The following FAM20B variants were observed in gnomAD, a reference collection of about 807,000 sequenced individuals.
FAM20B encodes the protein FAM20B glycosaminoglycan xylosylkinase.
A neutral mutation model predicts 43.8 loss-of-function variants in FAM20B; 23 were observed. The ratio of observed to expected loss-of-function variants is 0.53; its 90% CI spans 0.38 to 0.74. The LOEUF (loss-of-function observed/expected upper bound fraction) is 0.74, where lower values mean the gene tolerates loss of function less well. FAM20B is among the 30% of genes least tolerant of loss of function. The pLI, the probability that FAM20B is intolerant of heterozygous loss-of-function variation, is 0.00. For synonymous variants in FAM20B, 178 were observed against 192.4 expected, an observed-to-expected ratio of 0.93 and a Z score of 0.62; for missense variants, 440 against 510.5, an observed-to-expected ratio of 0.86 and a Z score of 1.33.
intron 7 of FAM20B, 79 bp from the exon 8 acceptor site, chr1:179,071,834 T>G: frequency 1.0e-6 from 1 of 972,272 alleles, no homozygotes; most frequent in Non-Finnish European, 1.6e-6. Flanking sequence ...TTTTTTCACT[T>G]TTGTCTGCCT....
At chr1:179,029,500 A>T (rs930380764) in intron 1 of FAM20B, among the ~76,000 whole-genome samples, 2 of 152,242 alleles carry the variant, frequency 1.3e-5, no homozygotes, top group East Asian at 3.8e-4. Flanking sequence ...GGATGTAAAG[A>T]ATCTACATGA....
intron 2 of FAM20B, among the ~76,000 whole-genome samples, chr1:179,047,528 A>G (rs1305210680): frequency 6.6e-6 from 1 of 151,924 alleles, no homozygotes; most frequent in African/African-American, 2.4e-5. Context: ...TCTCCTAAAC[A>G]GCCTGTGTCC....
chr1:179,066,163 A>G (rs1651680450), intron 6 of FAM20B, among the ~76,000 whole-genome samples: 1 of 152,054 alleles, frequency 6.6e-6, no homozygotes, highest in East Asian at 1.9e-4. Flanking sequence ...GGGCTACCAG[A>G]CTCTAGCTAT....
rs926661753 is a variant in FAM20B, at chr1:179,074,682, T to C, written c.*2538T>C. 5 of 152,254 alleles carry C rather than the reference T, an allele frequency of 3.3e-5. No homozygotes were observed. The highest frequency in any genetic ancestry group is 7.3e-5 in the Non-Finnish European group (5 of 68,042). 9.4% of individuals were successfully genotyped at this position (152,254 alleles called of 1,614,324 possible). ...TTAAAAGGCATTCTGATGATAAATT[T>C]AGAATTTTCATCTATAAAATTTAGA... On this transcript the variant is annotated 3_prime_UTR_variant, in exon 8 of 8. Transcript: ENST00000263733.
chr1:179,052,030 G>T (rs2102507885), intron 3 of FAM20B, among the ~76,000 whole-genome samples: 1 of 152,156 alleles, frequency 6.6e-6, no homozygotes, highest in African/African-American at 2.4e-5. Flanking sequence ...AAACATAAAA[G>T]CAATAACTTA....
chr1:179,020,986 G>A (rs139976727), upstream of FAM20B, among the ~76,000 whole-genome samples: 2,133 of 152,294 alleles, frequency 0.014, 63 homozygotes, highest in African/African-American at 0.048. Context: ...CAGGAGAATC[G>A]CTTGAACTCA....
intron 1 of FAM20B, among the ~76,000 whole-genome samples, chr1:179,033,521 GATAA>G (rs1374362063): frequency 6.6e-6 from 1 of 152,060 alleles, no homozygotes; most frequent in Non-Finnish European, 1.5e-5. Context: ...CCCTCCCTGA[GATAA>G]TTGTTTTTAG....
chr1:179,064,584 A>G, intron 6 of FAM20B, 88 bp downstream of exon 6: 1 of 1,034,536 alleles, frequency 9.7e-7, no homozygotes, highest in Non-Finnish European at 1.4e-6. Flanking sequence ...GAATATCCAG[A>G]ATGCAATTGA....
intron 7 of FAM20B, among the ~76,000 whole-genome samples, chr1:179,071,566 A>C (rs1252617971): frequency 6.6e-6 from 1 of 152,138 alleles, no homozygotes; most frequent in African/African-American, 2.4e-5. Context: ...TAAATTTTCA[A>C]AATTGTTTTT....
At chr1:179,045,474 A>G (rs754848989) in intron 2 of FAM20B, among the ~76,000 whole-genome samples, 1 of 152,244 alleles carries the variant, frequency 6.6e-6, no homozygotes, top group Non-Finnish European at 1.5e-5. Flanking sequence ...CTATTAGTAA[A>G]TGAAAGGCAG....
chr1:179,039,917 AG>A (rs1650410515), intron 1 of FAM20B, among the ~76,000 whole-genome samples: 1 of 152,076 alleles, frequency 6.6e-6, no homozygotes, highest in South Asian at 2.1e-4. Flanking sequence ...ACTTGAGATT[AG>A]GGAGTGGTGA....
intron 1 of FAM20B, among the ~76,000 whole-genome samples, chr1:179,041,685 A>AGGGAGAGGGAGAC (rs1553204097): frequency 2.1e-5 from 3 of 143,680 alleles, no homozygotes; most frequent in Non-Finnish European, 4.6e-5. Context: ...GGAGAGGGAG[A>AGGGAGAGGGAGAC]GGGAGACGGG....
intron 4 of FAM20B, 34 bp from the exon 5 acceptor site, chr1:179,063,893 C>G: frequency 2.0e-6 from 3 of 1,524,914 alleles, no homozygotes; most frequent in Non-Finnish European, 2.7e-6. Context: ...TTCGTTATTT[C>G]CTTAAGTGTA....
chr1:179,024,284 G>T (rs565729744), upstream of FAM20B, among the ~76,000 whole-genome samples: 6 of 152,348 alleles, frequency 3.9e-5, no homozygotes, highest in African/African-American at 1.4e-4. Flanking sequence ...CGCCCAGGAA[G>T]CTGAGGCTGC....
chr1:179,039,901 C>T (rs963021924), intron 1 of FAM20B, among the ~76,000 whole-genome samples: 6 of 152,112 alleles, frequency 3.9e-5, no homozygotes, highest in Non-Finnish European at 8.8e-5. Context: ...GTTTGTGTCC[C>T]TGGGTACTTG....
chr1:179,023,856 T>C (rs1398977839), upstream of FAM20B, among the ~76,000 whole-genome samples: 1 of 152,172 alleles, frequency 6.6e-6, no homozygotes, highest in Non-Finnish European at 1.5e-5. Context: ...GCTTCCTGTG[T>C]GCTAGTCATG....
the FAM20B span, among the ~76,000 whole-genome samples, chr1:179,019,408 T>C: frequency 6.6e-6 from 1 of 151,654 alleles, no homozygotes; most frequent in African/African-American, 2.4e-5. Context: ...GGATGACTGG[T>C]GGTCACATTA....
chr1:179,058,293 A>G (rs990040379), intron 4 of FAM20B, among the ~76,000 whole-genome samples: 8 of 152,344 alleles, frequency 5.3e-5, no homozygotes, highest in African/African-American at 1.9e-4. Context: ...TCTTGTAGAG[A>G]CAAAGTCACA....
rs79696901 is a variant in FAM20B, at chr1:179,027,181, T to C, written c.-134+1083T>C. On this transcript the variant is annotated intron_variant, in intron 1 of 7. Coordinates refer to ENST00000263733, the MANE Select transcript of FAM20B (RefSeq NM_014864.4). ...CTTTAGCCTTTAAACTGTAGGACTT[T>C]ATAAATCTATAATCTGGTACAAATT... 3.4e-3 allele frequency among the ~76,000 whole-genome samples: 518 copies of C among 152,324 alleles called. 2 individuals carry two copies. Among genetic ancestry groups the C allele is most frequent in the Middle Eastern group, 0.014 (4 of 294 alleles).
Sources: gnomAD v4.1 joint callset for allele counts (sites outside exome capture counted in the v4.1 genomes callset) on GRCh38, gnomAD v4.1.1 for gene constraint, MANE v1.5 for transcripts, NCBI Gene and HGNC (gene_info 2026-07-23, HGNC 2026-07-21) for gene names.